The following GPC5 variants were observed in gnomAD, a reference collection of about 807,000 sequenced individuals.
GPC5 encodes the protein glypican 5, also known as glypican-5.
In GPC5, 47 loss-of-function variants were observed where a neutral mutation model predicts 53.9. The ratio of observed to expected loss-of-function variants is 0.87; its 90% CI spans 0.69 to 1.11. GPC5 has a LOEUF of 1.11. Among genes scored for constraint, GPC5 ranks in the 50% most tolerant of loss-of-function variants. The pLI is 0.00. For synonymous variants in GPC5, 286 were observed against 263.3 expected, an observed-to-expected ratio of 1.09 and a Z score of -0.84; for missense variants, 748 against 713.1, an observed-to-expected ratio of 1.05 and a Z score of -0.56.
chr13:91,853,811 T>A (rs2038938786), intron 5 of GPC5, among the ~76,000 whole-genome samples: 1 of 151,968 alleles, frequency 6.6e-6, no homozygotes, highest in African/African-American at 2.4e-5. Context: ...CATTTCTAGG[T>A]CATAACATTT....
chr13:91,852,033 G>C (rs1047554575), intron 5 of GPC5, among the ~76,000 whole-genome samples: 6 of 151,370 alleles, frequency 4.0e-5, no homozygotes, highest in Non-Finnish European at 7.4e-5. Flanking sequence ...GGATGGCTGG[G>C]TCAAATGGTA....
intron 7 of GPC5, among the ~76,000 whole-genome samples, chr13:92,352,161 GCATGCCATATCAATGC>G (rs1019962783): frequency 6.6e-6 from 1 of 151,908 alleles, no homozygotes; most frequent in Non-Finnish European, 1.5e-5. Context: ...GACAAAATTG[GCATGCCATATCAATGC>G]CACAGAGAAG....
chr13:91,564,061 A>T (rs865956806), intron 2 of GPC5, among the ~76,000 whole-genome samples: 6 of 152,232 alleles, frequency 3.9e-5, no homozygotes, highest in Middle Eastern at 3.4e-3. Flanking sequence ...CCTATCTAGG[A>T]ATCTGGACAA....
chr13:92,155,868 C>T (rs1385959394), intron 7 of GPC5, among the ~76,000 whole-genome samples: 2 of 152,098 alleles, frequency 1.3e-5, no homozygotes, highest in Non-Finnish European at 2.9e-5. Flanking sequence ...TGCTATATCT[C>T]ATTTTAGTCT....
chr13:91,778,535 T>A (rs1241050143), intron 5 of GPC5, among the ~76,000 whole-genome samples: 1 of 152,208 alleles, frequency 6.6e-6, no homozygotes, highest in African/African-American at 2.4e-5. Context: ...GCATAACTTA[T>A]ACAGTCGTTG....
At chr13:91,492,857 C>G (rs1004778583) in intron 2 of GPC5, among the ~76,000 whole-genome samples, 8 of 152,120 alleles carry the variant, frequency 5.3e-5, no homozygotes, top group African/African-American at 1.9e-4. Context: ...GTGGACATAC[C>G]TTGTTTCTCA....
chr13:91,786,725 T>G (rs1451662131), intron 5 of GPC5, among the ~76,000 whole-genome samples: 1 of 152,208 alleles, frequency 6.6e-6, no homozygotes, highest in African/African-American at 2.4e-5. Flanking sequence ...AAATTATGTG[T>G]TATATACAAT....
At chr13:92,627,974 G>A (rs2139125967) in intron 7 of GPC5, among the ~76,000 whole-genome samples, 1 of 152,204 alleles carries the variant, frequency 6.6e-6, no homozygotes, top group South Asian at 2.1e-4. Context: ...CATTGGTGTG[G>A]TAGACTGAAA....
intron 7 of GPC5, among the ~76,000 whole-genome samples, chr13:92,632,203 A>C (rs539580434): frequency 1.3e-5 from 2 of 152,296 alleles, no homozygotes; most frequent in South Asian, 4.1e-4. Flanking sequence ...CTCTTTGGCC[A>C]ATTTGAATGA....
intron 7 of GPC5, among the ~76,000 whole-genome samples, chr13:92,742,079 T>C (rs1889113068): frequency 6.6e-6 from 1 of 151,872 alleles, no homozygotes; most frequent in African/African-American, 2.4e-5. Flanking sequence ...GCATGATTTA[T>C]AGTCCTTTGG....
At chr13:91,505,973 A>T (rs753726460) in intron 2 of GPC5, among the ~76,000 whole-genome samples, 16 of 151,890 alleles carry the variant, frequency 1.1e-4, no homozygotes, top group Non-Finnish European at 2.4e-4. Context: ...GTAGAATAGG[A>T]TTTATTATGA....
intron 7 of GPC5, among the ~76,000 whole-genome samples, chr13:92,365,179 C>T (rs964673346): frequency 6.6e-6 from 1 of 151,636 alleles, no homozygotes; most frequent in Non-Finnish European, 1.5e-5. Flanking sequence ...CACTACGTAC[C>T]CAGGCTGTGT....
In GPC5 at chr13:92,166,952, T is replaced by A. The variant is rs1037288549; in HGVS notation, c.1561+21963T>A. Among the ~76,000 whole-genome samples the A allele has an allele frequency of 6.1e-3, 387 of 63,206 alleles. 1 individual carries two copies. The highest frequency in any genetic ancestry group is 0.018 in the South Asian group (16 of 910). 41.5% of individuals were successfully genotyped at this position (63,206 alleles called of 152,430 possible). On this transcript the variant is annotated intron_variant, in intron 7 of 7. Transcript: ENST00000377067. The stretch of plus-strand genomic sequence containing the variant: ...CTCTCTCTCTCTCTCTCTCTCTCTC[T>A]CTCTCACACACACACACACACACAC...
intron 2 of GPC5, among the ~76,000 whole-genome samples, chr13:91,592,192 G>A (rs1171324681): frequency 6.6e-6 from 1 of 152,152 alleles, no homozygotes; most frequent in Non-Finnish European, 1.5e-5. Flanking sequence ...CACAGGGTGA[G>A]TATATTAGCA....
At chr13:91,689,189 ATATATATAT>A (rs2035692223) in intron 2 of GPC5, among the ~76,000 whole-genome samples, 2 of 48,886 alleles carry the variant, frequency 4.1e-5, no homozygotes, top group African/African-American at 2.4e-4. Context: ...ATATAAATAT[ATATATATAT>A]ATATATATAT....
intron 6 of GPC5, among the ~76,000 whole-genome samples, chr13:92,060,178 T>C (rs2041111366): frequency 6.6e-6 from 1 of 151,958 alleles, no homozygotes; most frequent in African/African-American, 2.4e-5. Context: ...ATCAAAGTCC[T>C]ATACAAAGAA....
chr13:91,971,929 A>C (rs1401261667), intron 6 of GPC5, among the ~76,000 whole-genome samples: 2 of 152,034 alleles, frequency 1.3e-5, no homozygotes, highest in African/African-American at 4.8e-5. Flanking sequence ...GTGCTGGAAA[A>C]AATGTATATT....
At chr13:91,942,214 A>G (rs1413476351) in intron 6 of GPC5, among the ~76,000 whole-genome samples, 1 of 152,034 alleles carries the variant, frequency 6.6e-6, no homozygotes, top group East Asian at 1.9e-4. Flanking sequence ...AGGATCCCAT[A>G]TTTACCTGAC....
chr13:92,151,101 G>C (rs2041904457), intron 7 of GPC5, among the ~76,000 whole-genome samples: 2 of 151,952 alleles, frequency 1.3e-5, no homozygotes, highest in African/African-American at 2.4e-5. Context: ...AAAGAAATTA[G>C]GTATATCTTC....
Sources: allele counts gnomAD v4.1 joint callset (sites outside exome capture counted in the v4.1 genomes callset), GRCh38; gene constraint gnomAD v4.1.1; transcripts MANE v1.5; gene names NCBI Gene and HGNC (gene_info 2026-07-23, HGNC 2026-07-21).